The following DYNC1LI2 variants were observed in gnomAD, a reference collection of about 807,000 sequenced individuals.
The protein encoded by DYNC1LI2 is cytoplasmic dynein 1 light intermediate chain 2.
In DYNC1LI2, 19 loss-of-function variants were observed where a neutral mutation model predicts 57.8. The ratio of observed to expected loss-of-function variants is 0.33; its 90% CI spans 0.23 to 0.48. The LOEUF is 0.48. Among genes scored for constraint, DYNC1LI2 ranks in the 20% least tolerant of loss-of-function variants. The pLI is 0.99. For synonymous variants in DYNC1LI2, 256 were observed against 233.4 expected (o/e 1.10, Z -0.88); for missense variants, 470 against 604.2 (o/e 0.78, Z 2.33).
intron 3 of DYNC1LI2, among the ~76,000 whole-genome samples, chr16:66,744,187 G>C (rs1378188431): frequency 6.6e-6 from 1 of 152,036 alleles, no homozygotes; most frequent in Non-Finnish European, 1.5e-5. Context: ...AAGTAGCTGG[G>C]ACTACAGGCA....
intron 11 of DYNC1LI2, 121 bp from the exon 12 acceptor site, chr16:66,726,065 C>T (rs1284854578): frequency 2.0e-6 from 2 of 992,600 alleles, no homozygotes; most frequent in African/African-American, 1.6e-5. Flanking sequence ...ATATTGATAA[C>T]ATTCATTCGC....
chr16:66,729,104 G>A lies in DYNC1LI2; in HGVS notation c.1042-5C>T, dbSNP rs999377295. 1.2e-6 allele frequency: 2 copies of A among 1,613,942 alleles called. No individual in the cohort carries two copies. The highest frequency in any genetic ancestry group is 1.3e-5 in the African/African-American group (1 of 74,930). On this transcript the variant is annotated splice_polypyrimidine_tract_variant and splice_region_variant and intron_variant, in intron 8 of 12. Coordinates refer to ENST00000258198, the MANE Select transcript of DYNC1LI2 (RefSeq NM_006141.3). ...CAACTCTTTGTCGTGGACCAGCTGT[G>A]AAACAACATACATGTTTGTGGCCAC...
intron 6 of DYNC1LI2, chr16:66,732,801 G>A (rs1462879342): frequency 5.4e-6 from 1 of 186,498 alleles, no homozygotes; most frequent in Non-Finnish European, 1.1e-5. Flanking sequence ...ATTACTTCCT[G>A]AGAAGTAAAG....
rs1314518274 is a variant in DYNC1LI2, at chr16:66,751,383, CGGGCT to C, written c.108-42_108-38del. On this transcript the variant is annotated intron_variant, in intron 1 of 12. Transcript: ENST00000258198. This position sits in a 1 kb window ranked among gnomAD's most constrained non-coding sequence, Gnocchi z 5.2. ...ATGGCAAGAGTGGTCAGCCCCGGGC[CGGGCT>C]GGGATGGCCCGGCTCGCGTCGGCCC... The C allele has an allele frequency of 1.2e-6, 2 of 1,603,684 alleles. No individual in the cohort carries two copies. The highest frequency in any genetic ancestry group is 2.7e-5 in the African/African-American group (2 of 73,082).
rs2017475429 is a variant in DYNC1LI2 at position 66,723,041 on chromosome 16, C to A, written c.*681G>T. On this transcript the variant is annotated 3_prime_UTR_variant, in exon 13 of 13. Transcript: ENST00000258198. ...TCCTGGGCAGCTGCCATCGTTCCCA[C>A]CCCTGGGTCAGCTCCGCCTGACTCA... The A allele has an allele frequency of 6.1e-6, 2 of 325,404 alleles. No homozygotes were observed. Among genetic ancestry groups the A allele is most frequent in the Non-Finnish European group, 1.2e-5 (2 of 165,570 alleles). The allele number at this position is 325,404 out of a possible 1,614,324, so 20.2% of individuals were successfully genotyped here. A position where few individuals can be genotyped will look rare whatever the true frequency, so the allele number is the denominator to read the frequency against.
At chr16:66,737,229 T>C (rs1260090091) in intron 4 of DYNC1LI2, among the ~76,000 whole-genome samples, 1 of 151,966 alleles carries the variant, frequency 6.6e-6, no homozygotes, top group Non-Finnish European at 1.5e-5. Context: ...TGAGCTAAGA[T>C]TGCGTCACTG....
chr16:66,728,567 C>A (rs1197427247), intron 9 of DYNC1LI2, among the ~76,000 whole-genome samples: 2 of 152,110 alleles, frequency 1.3e-5, no homozygotes, highest in Non-Finnish European at 2.9e-5. Context: ...GATAGGTGGA[C>A]CCAGGACACA....
Position 66,732,375 on chromosome 16 carries a change from G to A in DYNC1LI2, c.893C>T (p.Thr298Ile). The change falls in exon 7 of 13, where the codon ACA (threonine) becomes ATA (isoleucine). Residue 298 changes from threonine to isoleucine, a missense_variant. Physicochemically the swap from Thr to Ile is moderately conservative, Grantham distance 89 (BLOSUM62 -1). Coordinates refer to ENST00000258198, the MANE Select transcript of DYNC1LI2 (RefSeq NM_006141.3). The stretch of plus-strand genomic sequence containing the variant: ...ATCCTTTTCCACAACTAAGGCAGGT[G>A]TGGTGAAGTGGAAACCGTATGTTTT... ...VHKTYGFHFT[T>I]PALVVEKDAV... 6.2e-7 allele frequency: 1 copy of A among 1,613,936 alleles called. No individual in the cohort carries two copies. The highest frequency in any genetic ancestry group is 1.1e-5 in the South Asian group (1 of 91,016).
chr16:66,751,148 C>T lies in DYNC1LI2; in HGVS notation c.181+125G>A. On this transcript the variant is annotated intron_variant, in intron 2 of 12. Transcript: ENST00000258198. This position sits in a 1 kb window ranked among gnomAD's most constrained non-coding sequence, Gnocchi z 5.2. ...CACTCTCCAGCTGACCGGCCAGGGCCGACGGTCCCTTTCCCGCCAGGCTGC... is the reference window on the plus strand; with the variant it reads ...CACTCTCCAGCTGACCGGCCAGGGCTGACGGTCCCTTTCCCGCCAGGCTGC... The T allele has an allele frequency of 8.8e-7, 1 of 1,141,536 alleles. No homozygotes were observed. Among genetic ancestry groups the T allele is most frequent in the Non-Finnish European group, 1.2e-6 (1 of 819,624 alleles). 70.7% of individuals were successfully genotyped at this position (1,141,536 alleles called of 1,614,324 possible). A position where few individuals can be genotyped will look rare whatever the true frequency, so the allele number is the denominator to read the frequency against.
intron 11 of DYNC1LI2, among the ~76,000 whole-genome samples, chr16:66,726,480 A>AT (rs2017537800): frequency 6.6e-6 from 1 of 152,208 alleles, no homozygotes; most frequent in Non-Finnish European, 1.5e-5. Flanking sequence ...AAAGTTACAG[A>AT]TTCAAAATAC....
At chr16:66,728,974 C>A in intron 9 of DYNC1LI2, 66 bp downstream of exon 9, 1 of 1,575,428 alleles carries the variant, frequency 6.3e-7, no homozygotes, top group South Asian at 1.1e-5. Flanking sequence ...CACCCCCAAC[C>A]CCACCCTAGG....
chr16:66,734,410 G>GA, intron 5 of DYNC1LI2, 99 bp from the exon 6 acceptor site: 1 of 1,125,584 alleles, frequency 8.9e-7, no homozygotes, highest in East Asian at 2.5e-5. Context: ...CTCCAAAGAA[G>GA]AAAGCCACAG....
chr16:66,749,542 A>G (rs939275526), intron 2 of DYNC1LI2, among the ~76,000 whole-genome samples: 12 of 152,208 alleles, frequency 7.9e-5, no homozygotes, highest in Non-Finnish European at 1.8e-4. Flanking sequence ...ATTCTACTGC[A>G]GTTATCCTTA....
intron 9 of DYNC1LI2, 41 bp downstream of exon 9, chr16:66,728,999 G>A: frequency 2.5e-6 from 4 of 1,607,778 alleles, no homozygotes; most frequent in Non-Finnish European, 3.4e-6. Flanking sequence ...GGCATTTCAT[G>A]CATGAGAAGG....
intron 2 of DYNC1LI2, among the ~76,000 whole-genome samples, chr16:66,750,654 C>T (rs1192409373): frequency 6.6e-6 from 1 of 152,134 alleles, no homozygotes; most frequent in Non-Finnish European, 1.5e-5. Flanking sequence ...GTTTAAGAGT[C>T]GCCTATGCTG....
chr16:66,740,248 T>C (rs2017812754), intron 4 of DYNC1LI2, among the ~76,000 whole-genome samples: 1 of 152,080 alleles, frequency 6.6e-6, no homozygotes, highest in Admixed American at 6.6e-5. Context: ...TGGCCGGCCA[T>C]GGAGCAGCTT....
At chr16:66,740,593 T>C (rs1236667972) in intron 4 of DYNC1LI2, among the ~76,000 whole-genome samples, 1 of 152,168 alleles carries the variant, frequency 6.6e-6, no homozygotes, top group Non-Finnish European at 1.5e-5. Flanking sequence ...TTCCTCCTTA[T>C]AACCAAACTG....
intron 4 of DYNC1LI2, chr16:66,738,241 C>CTTTTTTTTTTTTT (rs578021508): frequency 9.5e-5 from 9 of 94,458 alleles, no homozygotes; most frequent in Non-Finnish European, 1.6e-4. Flanking sequence ...TCTACAGCTT[C>CTTTTTTTTTTTTT]TTTTTTTTTT....
At chr16:66,728,039 T>C (rs2017567239) in intron 10 of DYNC1LI2, 162 bp downstream of exon 10, 1 of 1,026,678 alleles carries the variant, frequency 9.7e-7, no homozygotes, top group African/African-American at 1.6e-5. Context: ...CAGAAACTTC[T>C]TGAGTTTCTT....
Sources: gnomAD v4.1 joint callset for allele counts (sites outside exome capture counted in the v4.1 genomes callset) on GRCh38, gnomAD v4.1.1 for gene constraint, Gnocchi (gnomAD v3.1) non-coding constraint, MANE v1.5 for transcripts, NCBI Gene and HGNC (gene_info 2026-07-23, HGNC 2026-07-21) for gene names.